The following SMKR1 variants were observed in gnomAD, a reference collection of about 807,000 sequenced individuals.
The protein encoded by SMKR1 is small lysine rich protein 1.
A neutral mutation model predicts 4.0 loss-of-function variants in SMKR1; 4 were observed. The ratio of observed to expected loss-of-function variants is 1.00; its 90% CI spans 0.49 to 2.30. The LOEUF is 2.30. Among genes scored for constraint, SMKR1 ranks in the 30% most tolerant of loss-of-function variants. The probability of loss-of-function intolerance (pLI) is 0.02; values close to 1 mark genes in which losing one functional copy is unlikely to be tolerated. For synonymous variants in SMKR1, 38 were observed against 32.5 expected (o/e 1.17, Z -0.58); for missense variants, 56 against 81.8 (o/e 0.68, Z 1.22).
rs1799424487 is a variant in SMKR1 at position 129,502,835 on chromosome 7, C to A, written c.3+8C>A. 1 of 1,534,894 alleles carries A rather than the reference C, an allele frequency of 6.5e-7. No individual in the cohort carries two copies. Among genetic ancestry groups the A allele is most frequent in the Non-Finnish European group, 8.7e-7 (1 of 1,146,594 alleles). On this transcript the variant is annotated splice_region_variant and intron_variant, in intron 1 of 1. Transcript: ENST00000462322. The stretch of plus-strand genomic sequence containing the variant: ...CGGCTGAGAATCGCCATGGTAATCC[C>A]CGTCTCCCTAAAGTACCCGGGGCCA...
At chr7:129,504,680 A>G (rs936065663) in intron 1 of SMKR1, among the ~76,000 whole-genome samples, 1 of 152,132 alleles carries the variant, frequency 6.6e-6, no homozygotes, top group Non-Finnish European at 1.5e-5. Context: ...CAGCAGCCTG[A>G]GTACTGGGGA....
intron 1 of SMKR1, among the ~76,000 whole-genome samples, chr7:129,506,315 A>C (rs1233465545): frequency 6.6e-6 from 1 of 152,044 alleles, no homozygotes; most frequent in Non-Finnish European, 1.5e-5. Flanking sequence ...GGTGGTGCAA[A>C]TCTGTAGTCC....
chr7:129,506,703 C>G (rs1385603772), intron 1 of SMKR1, among the ~76,000 whole-genome samples: 1 of 103,280 alleles, frequency 9.7e-6, no homozygotes, highest in Non-Finnish European at 2.1e-5. Context: ...TTTTTTTTTA[C>G]TGACTTTTTT....
At chr7:129,504,856 G>A (rs1402964776) in intron 1 of SMKR1, among the ~76,000 whole-genome samples, 2 of 152,168 alleles carry the variant, frequency 1.3e-5, no homozygotes, top group African/African-American at 4.8e-5. Flanking sequence ...TGGCCAATAG[G>A]GCCCTTTCTT....
At chr7:129,509,844 T>C (rs1160815483) in intron 1 of SMKR1, among the ~76,000 whole-genome samples, 1 of 152,186 alleles carries the variant, frequency 6.6e-6, no homozygotes, top group Admixed American at 6.5e-5. Context: ...CGGCCTATTT[T>C]AGTAGTTGTA....
intron 1 of SMKR1, among the ~76,000 whole-genome samples, chr7:129,509,609 C>T (rs899441855): frequency 1.3e-5 from 2 of 152,018 alleles, no homozygotes; most frequent in Non-Finnish European, 2.9e-5. Flanking sequence ...GGCGTGATCT[C>T]GACTCACTGC....
Position 129,502,719 on chromosome 7 carries a change from C to T in SMKR1, c.-106C>T. 1 of 1,503,876 alleles carries T rather than the reference C, an allele frequency of 6.6e-7. No homozygotes were observed. 93.2% of individuals were successfully genotyped at this position (1,503,876 alleles called of 1,614,324 possible). On this transcript the variant is annotated 5_prime_UTR_variant, in exon 1 of 2. Transcript: ENST00000462322. ...TCCCTGAGGAGGGCCGAGAAGGGGCCGGGGGTGCTAGGGGAACGGGCGCTG... is the reference window on the plus strand; with the variant it reads ...TCCCTGAGGAGGGCCGAGAAGGGGCTGGGGGTGCTAGGGGAACGGGCGCTG...
intron 1 of SMKR1, among the ~76,000 whole-genome samples, chr7:129,510,735 A>C (rs1799517069): frequency 6.6e-6 from 1 of 152,162 alleles, no homozygotes; most frequent in African/African-American, 2.4e-5. Context: ...CTCCAAAAAA[A>C]AGGAAGGTGA....
At position 129,502,707 on chromosome 7, in the gene SMKR1, C is replaced by A. The variant is rs1181448551; in HGVS notation, c.-118C>A. 2 of 1,466,344 alleles carry A rather than the reference C, an allele frequency of 1.4e-6. No individual in the cohort carries two copies. The highest frequency in any genetic ancestry group is 1.4e-5 in the African/African-American group (1 of 69,838). 90.8% of individuals were successfully genotyped at this position (1,466,344 alleles called of 1,614,324 possible). A position where few individuals can be genotyped will look rare whatever the true frequency, so the allele number is the denominator to read the frequency against. ...GCCCGTGGCGGTTCCCTGAGGAGGG[C>A]CGAGAAGGGGCCGGGGGTGCTAGGG... On this transcript the variant is annotated 5_prime_UTR_variant, in exon 1 of 2. Transcript: ENST00000462322.
chr7:129,504,657 G>A (rs770175962), intron 1 of SMKR1, among the ~76,000 whole-genome samples: 1 of 151,954 alleles, frequency 6.6e-6, no homozygotes, highest in Non-Finnish European at 1.5e-5. Context: ...GGGCTCAAGG[G>A]GTCCTCCCAC....
intron 1 of SMKR1, among the ~76,000 whole-genome samples, chr7:129,509,475 C>T (rs1408236462): frequency 2.0e-5 from 3 of 151,826 alleles, no homozygotes; most frequent in South Asian, 2.1e-4. Context: ...TTGCAAGATA[C>T]GTCTCATCTT....
chr7:129,504,098 G>C (rs1331319222), intron 1 of SMKR1, among the ~76,000 whole-genome samples: 1 of 152,168 alleles, frequency 6.6e-6, no homozygotes, highest in Non-Finnish European at 1.5e-5. Context: ...AAATTGCTGG[G>C]ATTACAGGTG....
chr7:129,502,692 G>A lies in SMKR1; in HGVS notation c.-133G>A. The A allele has an allele frequency of 1.5e-6, 2 of 1,379,112 alleles. No homozygotes were observed. Among genetic ancestry groups the A allele is most frequent in the Non-Finnish European group, 2.0e-6 (2 of 1,013,696 alleles). The allele number at this position is 1,379,112 out of a possible 1,614,324, so 85.4% of individuals were successfully genotyped here. A position where few individuals can be genotyped will look rare whatever the true frequency, so the allele number is the denominator to read the frequency against. ...GCGTAGTGAGGCTGGGCCCGTGGCG[G>A]TTCCCTGAGGAGGGCCGAGAAGGGG... On this transcript the variant is annotated 5_prime_UTR_variant, in exon 1 of 2. Coordinates refer to ENST00000462322, the MANE Select transcript of SMKR1 (RefSeq NM_001195243.2).
chr7:129,506,563 T>C (rs528478921), intron 1 of SMKR1, among the ~76,000 whole-genome samples: 1 of 152,302 alleles, frequency 6.6e-6, no homozygotes, highest in South Asian at 2.1e-4. Flanking sequence ...TAATCCACCT[T>C]TCTCTCTTGC....
At chr7:129,505,286 ACT>A (rs1799453023) in intron 1 of SMKR1, among the ~76,000 whole-genome samples, 1 of 151,830 alleles carries the variant, frequency 6.6e-6, no homozygotes, top group African/African-American at 2.4e-5. Flanking sequence ...ATGGACAGTG[ACT>A]CTACTGGGGT....
At chr7:129,506,689 T>G (rs1367605979) in intron 1 of SMKR1, among the ~76,000 whole-genome samples, 1 of 151,222 alleles carries the variant, frequency 6.6e-6, no homozygotes, top group Non-Finnish European at 1.5e-5. Flanking sequence ...ACATTATGTT[T>G]TTTTTTTTTT....
intron 1 of SMKR1, among the ~76,000 whole-genome samples, chr7:129,505,555 T>C (rs1799456048): frequency 6.6e-6 from 1 of 151,992 alleles, no homozygotes; most frequent in Non-Finnish European, 1.5e-5. Context: ...CTCGGTTCAC[T>C]GCAACCTCCG....
intron 1 of SMKR1, among the ~76,000 whole-genome samples, chr7:129,506,055 G>T (rs1799461829): frequency 6.6e-6 from 1 of 152,158 alleles, no homozygotes; most frequent in South Asian, 2.1e-4. Context: ...AGGAATGGAT[G>T]GGCCCAGAAA....
In SMKR1 at chr7:129,512,711, C is replaced by G. The variant is rs557582065; in HGVS notation, c.*270C>G. The G allele has an allele frequency of 3.3e-6, 1 of 307,478 alleles. No individual in the cohort carries two copies. Among genetic ancestry groups the G allele is most frequent in the Non-Finnish European group, 5.9e-6 (1 of 170,320 alleles). The allele number at this position is 307,478 out of a possible 1,614,324, so 19.0% of individuals were successfully genotyped here. ...AGTGTGCTGAAATTAATAGAACTTT[C>G]AGAAATTATTATAATTCTGGGTCAG... On this transcript the variant is annotated 3_prime_UTR_variant, in exon 2 of 2. Coordinates refer to ENST00000462322, the MANE Select transcript of SMKR1 (RefSeq NM_001195243.2).
Sources: allele counts gnomAD v4.1 joint callset (sites outside exome capture counted in the v4.1 genomes callset), GRCh38; gene constraint gnomAD v4.1.1; transcripts MANE v1.5; gene names NCBI Gene and HGNC (gene_info 2026-07-23, HGNC 2026-07-21).